ARID2: variants seen among roughly 807,000 people sequenced by gnomAD.
The protein encoded by ARID2 is AT-rich interaction domain 2.
In ARID2, 32 loss-of-function variants were observed where a neutral mutation model predicts 184.6. That is an observed-to-expected ratio of 0.17 (90% CI 0.13 to 0.23). The LOEUF (loss-of-function observed/expected upper bound fraction) is 0.23, where lower values mean the gene tolerates loss of function less well. ARID2 is among the 10% of genes least tolerant of loss of function. ARID2 has a pLI of 1.00. For synonymous variants in ARID2, 836 were observed against 772.6 expected (o/e 1.08, Z -1.36); for missense variants, 1,696 against 2,197.6 (o/e 0.77, Z 4.56).
At chr12:45,786,806 A>C (rs1459087651) in intron 3 of ARID2, among the ~76,000 whole-genome samples, 2 of 152,236 alleles carry the variant, frequency 1.3e-5, no homozygotes, top group Non-Finnish European at 2.9e-5. Context: ...AATACTATTC[A>C]GCCGTAAAAA....
rs148633366 is a variant in ARID2, at chr12:45,850,831, C to T, written c.2708C>T (p.Ser903Phe). The T allele has an allele frequency of 3.7e-6, 6 of 1,614,154 alleles. No individual in the cohort carries two copies. The highest frequency in any genetic ancestry group is 5.1e-6 in the Non-Finnish European group (6 of 1,180,016). The change falls in exon 15 of 21, where the codon TCT becomes TTT. Residue 903 changes from serine to phenylalanine, a missense_variant. Ser to Phe is a radical substitution (Grantham distance 155). Coordinates refer to ENST00000334344, the MANE Select transcript of ARID2 (RefSeq NM_152641.4). The part of the protein sequence containing the change: ...FQNIAPKPLP[S>F]QQVSSTVVQQ... ...AACATTGCACCAAAACCTCTCCCTT[C>T]TCAGCAAGTTTCATCTACAGTGGTA...
chr12:45,758,958 A>G (rs1941621860), intron 3 of ARID2, among the ~76,000 whole-genome samples: 1 of 152,176 alleles, frequency 6.6e-6, no homozygotes, highest in African/African-American at 2.4e-5. Context: ...TAAAAAAGTC[A>G]TATCAGATAT....
At chr12:45,742,815 A>G (rs1055882841) in intron 3 of ARID2, among the ~76,000 whole-genome samples, 5 of 152,208 alleles carry the variant, frequency 3.3e-5, no homozygotes, top group African/African-American at 9.6e-5. Context: ...GCTAGTTACT[A>G]AAGTGGGGAT....
At chr12:45,808,759 G>A (rs1003014483) in intron 3 of ARID2, among the ~76,000 whole-genome samples, 4 of 148,412 alleles carry the variant, frequency 2.7e-5, no homozygotes, top group Non-Finnish European at 6.0e-5. Context: ...GTGTGTGTGT[G>A]TATGTGTGTG....
intron 6 of ARID2, among the ~76,000 whole-genome samples, chr12:45,827,211 C>A (rs762897780): frequency 1.3e-5 from 2 of 151,538 alleles, no homozygotes; most frequent in Non-Finnish European, 2.9e-5. Flanking sequence ...GGTAAAGTTA[C>A]ACTTTTCATA....
chr12:45,833,650 C>G (rs1943162798), intron 6 of ARID2, among the ~76,000 whole-genome samples: 1 of 152,072 alleles, frequency 6.6e-6, no homozygotes, highest in Non-Finnish European at 1.5e-5. Flanking sequence ...TGTTTTAAAG[C>G]TTTATGACAT....
chr12:45,894,473 T>C (rs924207006), intron 20 of ARID2, among the ~76,000 whole-genome samples: 1 of 152,340 alleles, frequency 6.6e-6, no homozygotes, highest in South Asian at 2.1e-4. Flanking sequence ...CCTACACCAC[T>C]ATTTTACCTT....
chr12:45,821,569 A>G, intron 6 of ARID2, 82 bp downstream of exon 6: 1 of 731,834 alleles, frequency 1.4e-6, no homozygotes, highest in Admixed American at 3.1e-5. Context: ...CTTATTTAAT[A>G]TACATAATAC....
In ARID2 at chr12:45,851,306, A is replaced by G. The variant is rs750172435; in HGVS notation, c.3183A>G (p.Lys1061=). The change falls in exon 15 of 21, where the codon AAA becomes AAG. Residue 1061 remains lysine (K), a synonymous_variant. Coordinates refer to ENST00000334344, the MANE Select transcript of ARID2 (RefSeq NM_152641.4). The part of the protein sequence containing the change: ...QPASGESSLI[K]QLLLPKRGPS... ...CCTCTGGTGAGTCGAGTCTGATTAA[A>G]CAGCTTCTGCTTCCGAAACGTGGTC... is the stretch of plus-strand genomic sequence containing the variant. The G allele has an allele frequency of 1.2e-6, 2 of 1,614,154 alleles. No individual in the cohort carries two copies. Among genetic ancestry groups the G allele is most frequent in the Non-Finnish European group, 1.7e-6 (2 of 1,180,026 alleles).
chr12:45,834,964 C>T (rs540890751), intron 6 of ARID2, among the ~76,000 whole-genome samples: 10 of 152,048 alleles, frequency 6.6e-5, no homozygotes, highest in African/African-American at 2.2e-4. Context: ...TCTGTCTGCC[C>T]ATTCTTTCTC....
chr12:45,839,066 A>G (rs1026786921), intron 10 of ARID2, among the ~76,000 whole-genome samples: 19 of 150,976 alleles, frequency 1.3e-4, no homozygotes, highest in Admixed American at 5.3e-4. Context: ...GGGCTTCACC[A>G]TGTTAGCCAG....
rs201587728 is a variant in ARID2, at chr12:45,893,601, T to C, written c.5272-29T>C. On this transcript the variant is annotated intron_variant, in intron 19 of 20. Transcript: ENST00000334344. ...GTCTGAGTCCTGTATGATTTAGATC[T>C]TTATTCTTTTTTTTCCTTTCTTTTT... 668 of 1,602,508 alleles carry C rather than the reference T, an allele frequency of 4.2e-4. 5 individuals are homozygous for C. The African/African-American group carries it at 8.2e-3, about 20-fold the overall frequency.
intron 16 of ARID2, among the ~76,000 whole-genome samples, chr12:45,885,009 TATA>T (rs1404979835): frequency 9.2e-5 from 14 of 152,152 alleles, no homozygotes; most frequent in African/African-American, 3.1e-4. Context: ...AGTTTGTATT[TATA>T]ATGTTTCATC....
intron 11 of ARID2, chr12:45,840,850 G>A (rs1943330833): frequency 6.6e-6 from 1 of 152,138 alleles, no homozygotes; most frequent in Non-Finnish European, 1.5e-5. Context: ...CTTCTGAAGT[G>A]TATAGATTTG....
intron 2 of ARID2, 29 bp downstream of exon 2, chr12:45,730,166 C>T (rs1474217110): frequency 1.2e-6 from 2 of 1,608,012 alleles, no homozygotes; most frequent in Admixed American, 1.7e-5. Context: ...TTGTATTTCC[C>T]TCTCGCTGGC....
intron 18 of ARID2, 46 bp from the exon 19 acceptor site, chr12:45,893,374 A>C: frequency 1.3e-6 from 2 of 1,565,236 alleles, no homozygotes; most frequent in Admixed American, 3.8e-5. Flanking sequence ...GTCTGTCTGC[A>C]GTATCACGTT....
intron 16 of ARID2, chr12:45,874,397 G>A: frequency 5.2e-6 from 1 of 191,134 alleles, no homozygotes; most frequent in Admixed American, 5.3e-5. Flanking sequence ...CTAAGTTTAT[G>A]TAATATTCTA....
intron 3 of ARID2, among the ~76,000 whole-genome samples, chr12:45,782,012 G>T (rs1942100286): frequency 6.6e-6 from 1 of 151,972 alleles, no homozygotes; most frequent in Admixed American, 6.6e-5. Context: ...TAAAGGGGAG[G>T]TATAAAAAGT....
chr12:45,775,755 G>A (rs1941963929), intron 3 of ARID2, among the ~76,000 whole-genome samples: 2 of 152,154 alleles, frequency 1.3e-5, no homozygotes, highest in Admixed American at 1.3e-4. Context: ...CCAGATGGAT[G>A]CAAATAGAAT....
Sources: allele counts gnomAD v4.1 joint callset (sites outside exome capture counted in the v4.1 genomes callset), GRCh38; gene constraint gnomAD v4.1.1; transcripts MANE v1.5; gene names NCBI Gene and HGNC (gene_info 2026-07-23, HGNC 2026-07-21).